UBE2G1: variants seen among roughly 807,000 people sequenced by gnomAD.
UBE2G1 encodes ubiquitin-conjugating enzyme E2 G1.
UBE2G1 carries 5 observed loss-of-function variants against 22.7 expected under a neutral mutation model. The ratio of observed to expected loss-of-function variants is 0.22; its 90% CI spans 0.12 to 0.46. The LOEUF (loss-of-function observed/expected upper bound fraction) is 0.46, where lower values mean the gene tolerates loss of function less well. Ranked by LOEUF, UBE2G1 falls within the 20% of genes least tolerant of loss-of-function variation. The pLI, the probability that UBE2G1 is intolerant of heterozygous loss-of-function variation, is 0.99. For missense variants in UBE2G1, 88 were observed against 203.9 expected (o/e 0.43, Z 3.46); for synonymous variants, 74 against 67.5 (o/e 1.10, Z -0.47).
chr17:4,312,560 G>A (rs1028149332), intron 1 of UBE2G1, among the ~76,000 whole-genome samples: 1 of 151,876 alleles, frequency 6.6e-6, no homozygotes, highest in African/African-American at 2.4e-5. Flanking sequence ...GCCGGGCGTG[G>A]TGGCGGGCAC....
At chr17:4,284,957 C>CA (rs1968945418) in intron 4 of UBE2G1, among the ~76,000 whole-genome samples, 1 of 151,310 alleles carries the variant, frequency 6.6e-6, no homozygotes, top group Non-Finnish European at 1.5e-5. Context: ...ATCAATCCCC[C>CA]ACCTCAGCCT....
chr17:4,361,182 C>A (rs1235980079), intron 1 of UBE2G1, among the ~76,000 whole-genome samples: 1 of 151,992 alleles, frequency 6.6e-6, no homozygotes, highest in East Asian at 1.9e-4. Context: ...AAGATCGCAC[C>A]ACTGCACTCC....
At chr17:4,293,573 C>T (rs1969069715) in intron 3 of UBE2G1, among the ~76,000 whole-genome samples, 1 of 152,146 alleles carries the variant, frequency 6.6e-6, no homozygotes, top group South Asian at 2.1e-4. Flanking sequence ...GGTAACTATG[C>T]TTAACCTTTT....
chr17:4,314,488 A>T (rs1435389671), intron 1 of UBE2G1, among the ~76,000 whole-genome samples: 2 of 152,232 alleles, frequency 1.3e-5, no homozygotes, highest in Non-Finnish European at 2.9e-5. Context: ...CCATTTTGTT[A>T]TTCTGAAAAC....
intron 2 of UBE2G1, among the ~76,000 whole-genome samples, chr17:4,303,249 C>T (rs566813389): frequency 1.3e-5 from 2 of 152,172 alleles, no homozygotes; most frequent in East Asian, 3.9e-4. Context: ...TTACTGAGTC[C>T]CCTAATCTCT....
intron 1 of UBE2G1, among the ~76,000 whole-genome samples, chr17:4,362,815 TTA>T (rs1474956379): frequency 6.6e-6 from 1 of 152,084 alleles, no homozygotes. Context: ...TGAACTGAGA[TTA>T]TGTCACTGCG....
chr17:4,290,637 A>T lies in UBE2G1; in HGVS notation c.248-1229T>A, dbSNP rs1004662320. On this transcript the variant is annotated intron_variant, in intron 3 of 5. Transcript: ENST00000396981. ...TGGGCACATGGCATGATGCCTGGCT[A>T]ACCTGACTTTTTTTTTTTTTTTGGT... is the stretch of plus-strand genomic sequence containing the variant. 3.8e-5 allele frequency among the ~76,000 whole-genome samples: 5 copies of T among 131,208 alleles called. No individual in the cohort carries two copies. The East Asian group carries it at 1.2e-3, about 32-fold the overall frequency. The allele number at this position is 131,208 out of a possible 152,430, so 86.1% of individuals were successfully genotyped here. A position where few individuals can be genotyped will look rare whatever the true frequency, so the allele number is the denominator to read the frequency against.
chr17:4,323,339 A>G (rs1969465598), intron 1 of UBE2G1, among the ~76,000 whole-genome samples: 1 of 152,212 alleles, frequency 6.6e-6, no homozygotes, highest in South Asian at 2.1e-4. Flanking sequence ...ATCACAACCT[A>G]TGAGATTAAA....
intron 2 of UBE2G1, among the ~76,000 whole-genome samples, chr17:4,302,997 A>G (rs2325939): frequency 0.95 from 145,000 of 152,206 alleles, 69,507 homozygotes; most frequent in East Asian, 1. Flanking sequence ...AGAAAAACAC[A>G]GGAGCTTCTT....
chr17:4,353,217 C>T (rs780461358), intron 1 of UBE2G1, among the ~76,000 whole-genome samples: 8 of 151,590 alleles, frequency 5.3e-5, no homozygotes, highest in East Asian at 1.9e-4. Flanking sequence ...GACTCCATCT[C>T]GAAAACAACA....
At chr17:4,314,141 G>A (rs1358585249) in intron 1 of UBE2G1, among the ~76,000 whole-genome samples, 1 of 152,184 alleles carries the variant, frequency 6.6e-6, no homozygotes, top group African/African-American at 2.4e-5. Flanking sequence ...GAACAGCCCA[G>A]TAGTGCCCAG....
At chr17:4,301,306 G>C (rs995269217) in intron 2 of UBE2G1, 4 of 424,642 alleles carry the variant, frequency 9.4e-6, no homozygotes, top group Middle Eastern at 1.5e-3. Flanking sequence ...CCAGGTCCTG[G>C]AGTTGTCACC....
At chr17:4,363,955 A>G (rs1256178296) in intron 1 of UBE2G1, among the ~76,000 whole-genome samples, 1 of 58,008 alleles carries the variant, frequency 1.7e-5, no homozygotes, top group South Asian at 4.8e-4. Flanking sequence ...CGTCTCAAAA[A>G]AAAAAAAAAA....
intron 1 of UBE2G1, among the ~76,000 whole-genome samples, chr17:4,352,005 G>A (rs924880010): frequency 8.5e-5 from 13 of 152,062 alleles, no homozygotes; most frequent in Non-Finnish European, 1.3e-4. Flanking sequence ...AGTGGCTCAC[G>A]CCTGCAATCC....
At chr17:4,276,300 G>A (rs563418676) in intron 5 of UBE2G1, among the ~76,000 whole-genome samples, 13 of 151,886 alleles carry the variant, frequency 8.6e-5, no homozygotes, top group Admixed American at 7.2e-4. Flanking sequence ...TCAGCCTCCC[G>A]AGTAGCTGGG....
intron 1 of UBE2G1, among the ~76,000 whole-genome samples, chr17:4,355,774 C>G (rs1443474693): frequency 6.9e-6 from 1 of 144,568 alleles, no homozygotes; most frequent in African/African-American, 2.6e-5. Context: ...GATCTCAGCT[C>G]GCTGCAACCT....
rs374040588 is a variant in UBE2G1, at chr17:4,307,023, A to T, written c.147T>A (p.Leu49=). The change falls in exon 2 of 6, where the codon CTT becomes CTA. Residue 49 remains leucine, a splice_region_variant and synonymous_variant. Coordinates refer to ENST00000396981, the MANE Select transcript of UBE2G1 (RefSeq NM_003342.5). ...EVLIIGPPDT[L]YEGGVFKAHL... is the part of the protein sequence containing the mutation. ...GATGTCAGTTCCATTATACTTACTA[A>T]AGTGTATCTGGAGGGCCAATAATAA... The T allele has an allele frequency of 8.1e-6, 13 of 1,612,232 alleles. No homozygotes were observed. The African/African-American group carries it at 1.7e-4, about 22-fold the overall frequency.
intron 2 of UBE2G1, among the ~76,000 whole-genome samples, chr17:4,300,444 G>A (rs1419046309): frequency 6.6e-6 from 1 of 152,054 alleles, no homozygotes. Context: ...TCAGGAGGCT[G>A]AAGCAGGAGA....
At chr17:4,296,455 G>A (rs1969112906) in intron 3 of UBE2G1, among the ~76,000 whole-genome samples, 2 of 152,062 alleles carry the variant, frequency 1.3e-5, no homozygotes, top group East Asian at 1.9e-4. Flanking sequence ...TAGAGATGGG[G>A]TTTCACCATG....
Sources: gnomAD v4.1 joint callset for allele counts (sites outside exome capture counted in the v4.1 genomes callset) on GRCh38, gnomAD v4.1.1 for gene constraint, MANE v1.5 for transcripts, NCBI Gene and HGNC (gene_info 2026-07-23, HGNC 2026-07-21) for gene names.